GNAL: variants seen among roughly 807,000 people sequenced by gnomAD.
The protein encoded by GNAL is guanine nucleotide-binding protein G(olf) subunit alpha.
A neutral mutation model predicts 55.1 loss-of-function variants in GNAL; 18 were observed. The ratio of observed to expected loss-of-function variants is 0.33; its 90% confidence interval spans 0.23 to 0.48. GNAL has a LOEUF of 0.48. Ranked by LOEUF, GNAL falls within the 20% of genes least tolerant of loss-of-function variation. The pLI, the probability that GNAL is intolerant of heterozygous loss-of-function variation, is 0.99. For missense variants in GNAL, 412 were observed against 614.1 expected, an observed-to-expected ratio of 0.67 and a Z score of 3.48; for synonymous variants, 253 against 237.0, an observed-to-expected ratio of 1.07 and a Z score of -0.62.
At chr18:11,810,916 C>G (rs1450012759) in intron 4 of GNAL, 1 of 152,312 alleles carries the variant, frequency 6.6e-6, no homozygotes, top group Non-Finnish European at 1.5e-5. Flanking sequence ...ATGCAGTGCC[C>G]TTGGGCCGCC....
chr18:11,804,791 T>C (rs1490767995), intron 4 of GNAL, among the ~76,000 whole-genome samples: 1 of 130,004 alleles, frequency 7.7e-6, no homozygotes, highest in Non-Finnish European at 1.6e-5. Context: ...AACACGGAGA[T>C]ACTGTGTAGT....
At chr18:11,772,006 G>A (rs780498363) in intron 4 of GNAL, among the ~76,000 whole-genome samples, 25 of 151,698 alleles carry the variant, frequency 1.6e-4, no homozygotes, top group Admixed American at 1.3e-4. Flanking sequence ...CTGGTGCCCC[G>A]CCCCTGTGTG....
intron 10 of GNAL, among the ~76,000 whole-genome samples, chr18:11,873,069 C>T (rs147152935): frequency 3.6e-4 from 55 of 152,288 alleles, no homozygotes; most frequent in Admixed American, 9.8e-4. Flanking sequence ...TTGGTCACTC[C>T]GTTTCCAGTC....
chr18:11,767,720 G>A (rs148160935), intron 4 of GNAL, among the ~76,000 whole-genome samples: 86 of 152,274 alleles, frequency 5.6e-4, no homozygotes, highest in African/African-American at 2.0e-3. Flanking sequence ...CTTGCTGTCT[G>A]TGCACGCTTA....
intron 11 of GNAL, 78 bp from the exon 12 acceptor site, chr18:11,880,911 C>T: frequency 6.8e-7 from 1 of 1,467,016 alleles, no homozygotes. Context: ...CCTCCAGCAC[C>T]TGCTCAGCGT....
At chr18:11,821,989 CTAAG>C (rs1440444258) in intron 4 of GNAL, among the ~76,000 whole-genome samples, 1 of 152,250 alleles carries the variant, frequency 6.6e-6, no homozygotes, top group Non-Finnish European at 1.5e-5. Flanking sequence ...TTCACGGGTG[CTAAG>C]TAAGTCGAAA....
At chr18:11,802,437 G>A (rs545092663) in intron 4 of GNAL, among the ~76,000 whole-genome samples, 3 of 152,222 alleles carry the variant, frequency 2.0e-5, no homozygotes, top group Non-Finnish European at 2.9e-5. Flanking sequence ...ACACCCAGGC[G>A]TACTTCTTGA....
At chr18:11,693,066 CAA>C (rs201302456) in intron 1 of GNAL, among the ~76,000 whole-genome samples, 2 of 121,568 alleles carry the variant, frequency 1.6e-5, no homozygotes, top group African/African-American at 1.0e-4. Context: ...AAGAAACTGA[CAA>C]AAAAAAATAA....
intron 4 of GNAL, 144 bp from the exon 5 acceptor site, chr18:11,824,774 G>A: frequency 8.8e-6 from 5 of 568,034 alleles, no homozygotes; most frequent in Non-Finnish European, 1.5e-5. Context: ...ACATAGAGTC[G>A]GTGCATTTTA....
chr18:11,762,278 G>A (rs1486418247), intron 4 of GNAL, among the ~76,000 whole-genome samples: 1 of 152,156 alleles, frequency 6.6e-6, no homozygotes, highest in Admixed American at 6.5e-5. Flanking sequence ...TTTCAGTGGG[G>A]CCACATGGAG....
chr18:11,820,451 C>T (rs182422075), intron 4 of GNAL, among the ~76,000 whole-genome samples: 23 of 152,222 alleles, frequency 1.5e-4, no homozygotes, highest in African/African-American at 5.3e-4. Context: ...AATGGTATTA[C>T]GGCTATTTTT....
rs148205990 is a variant in GNAL at position 11,720,012 on chromosome 18, G to A, written c.376+30073G>A. Among the ~76,000 whole-genome samples the A allele has an allele frequency of 1.7e-3, 255 of 152,302 alleles. 1 individual carries two copies. In the Middle Eastern group the frequency reaches 0.034, roughly 20 times the overall value. ...GCTCCTCAACCTTTAATGAACATTT[G>A]AATCCCCAGGGATTTTGATAAAATG... On this transcript the variant is annotated intron_variant, in intron 1 of 11. Coordinates refer to ENST00000334049, the MANE Select transcript of GNAL (RefSeq NM_182978.4).
At chr18:11,711,032 C>T (rs938333784) in intron 1 of GNAL, among the ~76,000 whole-genome samples, 60 of 152,204 alleles carry the variant, frequency 3.9e-4, no homozygotes, top group Admixed American at 2.0e-3. Flanking sequence ...CCTGCCACCG[C>T]GCCCGGCTAA....
rs761542966 is a variant in GNAL, at chr18:11,852,106, G to A, written c.723-10289G>A. 1 of 1,597,152 alleles carries A rather than the reference G, an allele frequency of 6.3e-7. No individual in the cohort carries two copies. Among genetic ancestry groups the A allele is most frequent in the East Asian group, 2.3e-5 (1 of 44,166 alleles). On this transcript the variant is annotated intron_variant, in intron 5 of 11. Coordinates refer to ENST00000334049, the MANE Select transcript of GNAL (RefSeq NM_182978.4). Reference sequence around the variant, plus strand: ...GAGACTGGCCCGCCTTCGGGATCAAGTGTGACGGCAGAACCCGCTCTGAGG... The same window carrying A: ...GAGACTGGCCCGCCTTCGGGATCAAATGTGACGGCAGAACCCGCTCTGAGG...
chr18:11,738,938 G>A lies in GNAL; in HGVS notation c.377-13915G>A, dbSNP rs150186858. On this transcript the variant is annotated intron_variant, in intron 1 of 11. Transcript: ENST00000334049. ...CACAGAACCTCAGTGCTGCGGAGGA[G>A]CCCACTGCTCTTTGCCGCCCGACGT... Among the ~76,000 whole-genome samples the A allele has an allele frequency of 1.3e-3, 203 of 152,274 alleles. No homozygotes were observed. In the East Asian group the frequency reaches 0.017, roughly 13 times the overall value.
chr18:11,784,279 C>T (rs920863700), intron 4 of GNAL, among the ~76,000 whole-genome samples: 1 of 152,262 alleles, frequency 6.6e-6, no homozygotes, highest in Non-Finnish European at 1.5e-5. Flanking sequence ...CCTAATGGGC[C>T]TTACCCCTAA....
intron 1 of GNAL, among the ~76,000 whole-genome samples, chr18:11,691,216 G>A (rs1440742121): frequency 6.6e-6 from 1 of 151,638 alleles, no homozygotes; most frequent in Non-Finnish European, 1.5e-5. Context: ...GCCAGTGATG[G>A]TGAGCATTTT....
intron 11 of GNAL, among the ~76,000 whole-genome samples, chr18:11,879,159 A>T (rs1009890759): frequency 6.6e-6 from 1 of 150,778 alleles, no homozygotes; most frequent in Non-Finnish European, 1.5e-5. Flanking sequence ...TTTAGTGTCC[A>T]TAAGTTTTTT....
intron 4 of GNAL, among the ~76,000 whole-genome samples, chr18:11,803,276 C>T (rs1242305946): frequency 1.3e-5 from 2 of 152,204 alleles, no homozygotes; most frequent in African/African-American, 4.8e-5. Flanking sequence ...CTTCTACTTT[C>T]TGTCTCTATG....
Sources: allele counts gnomAD v4.1 joint callset (sites outside exome capture counted in the v4.1 genomes callset), GRCh38; gene constraint gnomAD v4.1.1; transcripts MANE v1.5; gene names NCBI Gene and HGNC (gene_info 2026-07-23, HGNC 2026-07-21).